CELF4: variants seen among roughly 807,000 people sequenced by gnomAD.
The protein encoded by CELF4 is CUGBP Elav-like family member 4.
CELF4 carries 18 observed loss-of-function variants against 59.9 expected under a neutral mutation model. That is an observed-to-expected ratio of 0.30 (90% CI 0.21 to 0.45). CELF4 has a LOEUF of 0.45. CELF4 is among the 20% of genes least tolerant of loss of function. The pLI, the probability that CELF4 is intolerant of heterozygous loss-of-function variation, is 1.00. For synonymous variants in CELF4, 261 were observed against 267.1 expected (o/e 0.98, Z 0.22); for missense variants, 456 against 689.0 (o/e 0.66, Z 3.79).
chr18:37,516,922 G>T (rs1423257692), intron 1 of CELF4, among the ~76,000 whole-genome samples: 1 of 152,218 alleles, frequency 6.6e-6, no homozygotes, highest in Non-Finnish European at 1.5e-5. Context: ...CCAAAAAGCT[G>T]CATTAGGACA....
intron 2 of CELF4, among the ~76,000 whole-genome samples, chr18:37,383,534 C>T (rs1229426445): frequency 2.6e-5 from 4 of 152,202 alleles, no homozygotes; most frequent in Admixed American, 1.3e-4. Context: ...CTCTGTTATA[C>T]ATAATACTTA....
intron 2 of CELF4, among the ~76,000 whole-genome samples, chr18:37,367,016 A>G (rs571940002): frequency 1.3e-5 from 2 of 152,184 alleles, no homozygotes; most frequent in Non-Finnish European, 2.9e-5. Context: ...AAGGAGTGGG[A>G]GACTGGGGAG....
intron 3 of CELF4, among the ~76,000 whole-genome samples, chr18:37,312,137 A>AAAAAAAAAAAAGAAAAG (rs1569557807): frequency 4.2e-5 from 6 of 141,306 alleles, no homozygotes; most frequent in African/African-American, 5.2e-5. Context: ...AAAAGAAAAA[A>AAAAAAAAAAAAGAAAAG]AAAAAAAGAA....
intron 2 of CELF4, among the ~76,000 whole-genome samples, chr18:37,341,364 C>T (rs550001149): frequency 3.9e-5 from 6 of 152,312 alleles, no homozygotes; most frequent in African/African-American, 1.4e-4. Context: ...GTGGTCTGGG[C>T]CACAGCCCAC....
At chr18:37,324,091 C>G (rs1256473335) in intron 2 of CELF4, among the ~76,000 whole-genome samples, 3 of 152,162 alleles carry the variant, frequency 2.0e-5, no homozygotes, top group Non-Finnish European at 4.4e-5. Flanking sequence ...CCACTCCCAC[C>G]ACACATCCTG....
intron 2 of CELF4, among the ~76,000 whole-genome samples, chr18:37,328,400 C>A (rs1484935059): frequency 6.6e-6 from 1 of 152,188 alleles, no homozygotes; most frequent in African/African-American, 2.4e-5. Flanking sequence ...GGCCAGAATG[C>A]TCTCCAGAGT....
intron 3 of CELF4, among the ~76,000 whole-genome samples, chr18:37,307,773 A>AAG (rs200189951): frequency 0.041 from 6,279 of 152,184 alleles, 331 homozygotes; most frequent in African/African-American, 0.11. Flanking sequence ...CAAGGAGGGC[A>AAG]CAGTCTCTGT....
intron 3 of CELF4, among the ~76,000 whole-genome samples, chr18:37,287,065 T>G (rs2094862460): frequency 6.6e-6 from 1 of 152,164 alleles, no homozygotes; most frequent in South Asian, 2.1e-4. Context: ...ACAGAGGTCC[T>G]TAGCCCTGGC....
At chr18:37,325,539 G>A (rs2097280012) in intron 2 of CELF4, among the ~76,000 whole-genome samples, 1 of 152,190 alleles carries the variant, frequency 6.6e-6, no homozygotes, top group South Asian at 2.1e-4. Context: ...GTGATGCTTT[G>A]GCCTAACATC....
chr18:37,298,373 C>T (rs1408181224), intron 3 of CELF4, among the ~76,000 whole-genome samples: 1 of 152,182 alleles, frequency 6.6e-6, no homozygotes, highest in Non-Finnish European at 1.5e-5. Flanking sequence ...TGAGACAGTG[C>T]ATGTCACTGC....
At chr18:37,375,129 A>C (rs2098952133) in intron 2 of CELF4, among the ~76,000 whole-genome samples, 1 of 152,154 alleles carries the variant, frequency 6.6e-6, no homozygotes, top group Admixed American at 6.5e-5. Context: ...GGGTGGGGGC[A>C]TGAGAGCCCG....
At chr18:37,267,772 A>G (rs530153981) in intron 8 of CELF4, among the ~76,000 whole-genome samples, 42 of 152,240 alleles carry the variant, frequency 2.8e-4, no homozygotes, top group African/African-American at 9.9e-4. Context: ...ACGGTGGCTC[A>G]TGCCTGCAAT....
chr18:37,522,787 C>A (rs1298387224), intron 1 of CELF4, among the ~76,000 whole-genome samples: 7 of 152,108 alleles, frequency 4.6e-5, no homozygotes, highest in Non-Finnish European at 8.8e-5. Flanking sequence ...TCTGAGCCCA[C>A]CCTGTGGGGC....
intron 2 of CELF4, among the ~76,000 whole-genome samples, chr18:37,365,481 ATTTTTTTTTT>A (rs10670336): frequency 1.0e-5 from 1 of 97,764 alleles, no homozygotes; most frequent in Non-Finnish European, 1.9e-5. Context: ...GGATGGGGCA[ATTTTTTTTTT>A]TTTTTTTTTT....
At chr18:37,502,890 G>C (rs990986198) in intron 1 of CELF4, among the ~76,000 whole-genome samples, 8 of 152,334 alleles carry the variant, frequency 5.3e-5, no homozygotes, top group African/African-American at 1.9e-4. Context: ...CCTGTCCCAG[G>C]CACCCAGTGC....
intron 2 of CELF4, among the ~76,000 whole-genome samples, chr18:37,349,298 C>A (rs1402949444): frequency 1.3e-5 from 2 of 152,180 alleles, no homozygotes; most frequent in Non-Finnish European, 2.9e-5. Context: ...TCTGTTTAGG[C>A]TCTCAAAGAA....
intron 2 of CELF4, among the ~76,000 whole-genome samples, chr18:37,415,709 G>A (rs2099522081): frequency 6.6e-6 from 1 of 152,136 alleles, no homozygotes; most frequent in Non-Finnish European, 1.5e-5. Flanking sequence ...GGAGCCTGAC[G>A]ATTTCTACCA....
rs1459139009 is a variant in CELF4, at chr18:37,500,575, C to T, written c.287-14968G>A. On this transcript the variant is annotated intron_variant, in intron 1 of 12. Transcript: ENST00000420428. ...TTGAGACAGAGTCTCACTTTGTCGCCCAGGCTGGAGTGCAGTGGTGCTATC... is the reference window on the plus strand; with the variant it reads ...TTGAGACAGAGTCTCACTTTGTCGCTCAGGCTGGAGTGCAGTGGTGCTATC... Among the ~76,000 whole-genome samples, 6 of 149,822 alleles carry T rather than the reference C, an allele frequency of 4.0e-5. No individual in the cohort carries two copies. In the East Asian group the frequency reaches 5.9e-4, roughly 15 times the overall value.
At chr18:37,519,619 A>T (rs1164423470) in intron 1 of CELF4, among the ~76,000 whole-genome samples, 1 of 152,206 alleles carries the variant, frequency 6.6e-6, no homozygotes, top group Non-Finnish European at 1.5e-5. Context: ...AGATGCCGAG[A>T]TCTGTGGGCA....
Sources: allele counts gnomAD v4.1 joint callset (sites outside exome capture counted in the v4.1 genomes callset), GRCh38; gene constraint gnomAD v4.1.1; transcripts MANE v1.5; gene names NCBI Gene and HGNC (gene_info 2026-07-23, HGNC 2026-07-21).